Variants in FAAH2 observed in about 807,000 individuals in gnomAD.
The protein encoded by FAAH2 is fatty acid amide hydrolase 2, also known as fatty-acid amide hydrolase 2.
FAAH2 carries 60 observed loss-of-function variants against 36.9 expected under a neutral mutation model. The ratio of observed to expected loss-of-function variants is 1.63; its 90% CI spans 1.32 to 2.02. FAAH2 has a LOEUF of 2.02. Among genes scored for constraint, FAAH2 ranks in the 30% most tolerant of loss-of-function variants. FAAH2 has a pLI of 0.00. For missense variants in FAAH2, 689 were observed against 397.5 expected, an observed-to-expected ratio of 1.73 and a Z score of -6.23; for synonymous variants, 214 against 143.8, an observed-to-expected ratio of 1.49 and a Z score of -3.49.
chrX:57,369,574 C>T (rs1242893080), intron 5 of FAAH2, among the ~76,000 whole-genome samples: 4 of 111,536 alleles, frequency 3.6e-5, no homozygotes, highest in African/African-American at 6.5e-5. Flanking sequence ...TATCAAAGTG[C>T]TGGGGAATAA....
At chrX:57,403,120 T>TGCACTC (rs2055479668) in intron 7 of FAAH2, among the ~76,000 whole-genome samples, 1 of 112,054 alleles carries the variant, frequency 8.9e-6, no homozygotes, top group African/African-American at 3.2e-5. Flanking sequence ...AAAAGGCACA[T>TGCACTC]GCACTCTGAC....
rs767735654 is a variant in FAAH2 at position 57,341,283 on chromosome X, G to C, written c.635G>C (p.Cys212Ser). 8.3e-7 allele frequency: 1 copy of C among 1,206,018 alleles called. No individual in the cohort carries two copies. The highest frequency in any genetic ancestry group is 2.2e-5 in the Admixed American group (1 of 45,412). The change falls in exon 5 of 11, where the codon TGC becomes TCC. Residue 212 changes from cysteine (C) to serine (S), a missense_variant. By Grantham distance (112) the Cys-to-Ser change is moderately radical (BLOSUM62 -1). Coordinates refer to ENST00000374900, the MANE Select transcript of FAAH2 (RefSeq NM_174912.4). ...GTGTTTCTTGTAGGTGGTGAGGGCT[G>C]CACACTGGCAGCTGCCTGCTCAGTT... is the stretch of plus-strand genomic sequence containing the variant. ...IVGGSSGGEG[C>S]TLAAACSVIG...
intron 3 of FAAH2, among the ~76,000 whole-genome samples, chrX:57,319,940 G>T (rs777824222): frequency 3.6e-5 from 4 of 110,580 alleles, no homozygotes; most frequent in African/African-American, 9.8e-5. Context: ...CTATTTAATG[G>T]TGCTGGGAGA....
In FAAH2 at chrX:57,302,264, T is replaced by C. The variant is rs577607751; in HGVS notation, c.276-8329T>C. On this transcript the variant is annotated intron_variant, in intron 2 of 10. Coordinates refer to ENST00000374900, the MANE Select transcript of FAAH2 (RefSeq NM_174912.4). ...GAACTTAGGCATGTTTTTGAATCTCTGTGAATCTTTGTTTTATCCTTTCTA... is the reference window on the plus strand; with the variant it reads ...GAACTTAGGCATGTTTTTGAATCTCCGTGAATCTTTGTTTTATCCTTTCTA... Among the ~76,000 whole-genome samples, 8 of 112,067 alleles carry C rather than the reference T, an allele frequency of 7.1e-5. No individual in the cohort carries two copies. The East Asian group carries it at 1.7e-3, about 24-fold the overall frequency.
intron 10 of FAAH2, among the ~76,000 whole-genome samples, chrX:57,482,637 T>G (rs2057400416): frequency 3.7e-5 from 4 of 109,022 alleles, no homozygotes; most frequent in Admixed American, 2.9e-4. Flanking sequence ...ATCATCCACC[T>G]TCTGCGTTGG....
chrX:57,261,971 TTAAG>T, the FAAH2 span, among the ~76,000 whole-genome samples: 1 of 105,509 alleles, frequency 9.5e-6, no homozygotes, highest in East Asian at 2.9e-4. Flanking sequence ...AAGAGAAGAA[TTAAG>T]TATGACATCT....
the FAAH2 span, among the ~76,000 whole-genome samples, chrX:57,157,833 T>A: frequency 9.0e-6 from 1 of 111,226 alleles, no homozygotes; most frequent in Non-Finnish European, 1.9e-5. Flanking sequence ...TTTTATTTTT[T>A]CTCTTGAACT....
At chrX:57,283,396 G>C (rs1054332195), upstream of FAAH2, among the ~76,000 whole-genome samples, 1 of 111,313 alleles carries the variant, frequency 9.0e-6, no homozygotes, top group Non-Finnish European at 1.9e-5. Flanking sequence ...CGGGGTTCGA[G>C]GGATAACAGG....
rs1334968086 is a variant in FAAH2 at position 57,286,926 on chromosome X, C to T, written c.101C>T (p.Pro34Leu). 1 of 1,207,075 alleles carries T rather than the reference C, an allele frequency of 8.3e-7. No individual in the cohort carries two copies. Among genetic ancestry groups the T allele is most frequent in the Admixed American group, 2.2e-5 (1 of 45,761 alleles). Reference protein sequence around the residue: ...VGRAALVLGGPKFASKTPRPV... With the variant: ...VGRAALVLGGLKFASKTPRPV... Reference sequence around the variant, plus strand: ...CGAGCAGCTTTAGTCTTAGGGGGTCCAAAGTTTGCCTCAAAGACCCCTCGG... The same window carrying T: ...CGAGCAGCTTTAGTCTTAGGGGGTCTAAAGTTTGCCTCAAAGACCCCTCGG... The change falls in exon 1 of 11, where the codon CCA becomes CTA. Residue 34 changes from proline to leucine, a missense_variant. Transcript: ENST00000374900.
chrX:57,378,551 G>T (rs896804861), intron 5 of FAAH2, 100 bp from the exon 6 acceptor site: 22 of 1,061,648 alleles, frequency 2.1e-5, no homozygotes, highest in Non-Finnish European at 2.7e-5. Flanking sequence ...TTTTAACCAG[G>T]AGAAAAAGTA....
At chrX:57,152,733 C>T in the FAAH2 span, among the ~76,000 whole-genome samples, 1 of 111,869 alleles carries the variant, frequency 8.9e-6, no homozygotes, top group Non-Finnish European at 1.9e-5. Flanking sequence ...GAGGCAATGC[C>T]TCGCCCTGCT....
chrX:57,232,989 T>C, the FAAH2 span, among the ~76,000 whole-genome samples: 1 of 112,393 alleles, frequency 8.9e-6, no homozygotes, highest in Non-Finnish European at 1.9e-5. Flanking sequence ...TTAGTAATTT[T>C]GTGTGTTATA....
Position 57,380,902 on chromosome X carries a change from T to A in FAAH2, c.879-10T>A. 1 of 1,080,698 alleles carries A rather than the reference T, an allele frequency of 9.3e-7. No individual in the cohort carries two copies. Among genetic ancestry groups the A allele is most frequent in the South Asian group, 2.1e-5 (1 of 47,933 alleles). 89.1% of individuals were successfully genotyped at this position (1,080,698 alleles called of 1,213,427 possible). ...TTTGTTGATGTCAGTTTCTTTTTAA[T>A]CCTACACAGGTTAAAACTAGACACA... On this transcript the variant is annotated splice_polypyrimidine_tract_variant and intron_variant, in intron 6 of 10. Coordinates refer to ENST00000374900, the MANE Select transcript of FAAH2 (RefSeq NM_174912.4).
chrX:57,286,743 C>T lies in FAAH2; in HGVS notation c.-83C>T, dbSNP rs2051816299. 5 of 918,038 alleles carry T rather than the reference C, an allele frequency of 5.4e-6. No individual in the cohort carries two copies. The South Asian group carries it at 2.1e-4, about 39-fold the overall frequency. The allele number at this position is 918,038 out of a possible 1,213,427, so 75.7% of individuals were successfully genotyped here. On this transcript the variant is annotated 5_prime_UTR_variant, in exon 1 of 11. Coordinates refer to ENST00000374900, the MANE Select transcript of FAAH2 (RefSeq NM_174912.4). The stretch of plus-strand genomic sequence containing the variant: ...TGTAAACGAAAAGCTTCATAAGTCC[C>T]TCTTTGCTTAGTACTTTTCTCGTCC...
chrX:57,167,890 C>T, the FAAH2 span, among the ~76,000 whole-genome samples: 1 of 111,488 alleles, frequency 9.0e-6, no homozygotes, highest in African/African-American at 3.3e-5. Flanking sequence ...CAGAGTGGGC[C>T]TCCTGTCATT....
intron 5 of FAAH2, among the ~76,000 whole-genome samples, chrX:57,348,521 G>A (rs2053892931): frequency 9.0e-6 from 1 of 111,138 alleles, no homozygotes; most frequent in East Asian, 2.9e-4. Context: ...GTGGGTACCA[G>A]TGTACACCAC....
At chrX:57,462,539 G>C (rs961545244) in intron 10 of FAAH2, among the ~76,000 whole-genome samples, 1 of 111,868 alleles carries the variant, frequency 8.9e-6, no homozygotes, top group South Asian at 3.7e-4. Context: ...ATCACATAAA[G>C]AGAACCAGTG....
At chrX:57,183,733 TA>T in the FAAH2 span, among the ~76,000 whole-genome samples, 2 of 111,358 alleles carry the variant, frequency 1.8e-5, no homozygotes, top group Non-Finnish European at 3.8e-5. Flanking sequence ...GTTTGGACAA[TA>T]TGAAATCAGT....
intron 3 of FAAH2, among the ~76,000 whole-genome samples, chrX:57,328,026 G>A (rs1457581337): frequency 2.7e-5 from 3 of 111,808 alleles, no homozygotes; most frequent in Non-Finnish European, 5.6e-5. Context: ...TGGTGTGGAT[G>A]TCCTTTTTAT....
Sources: gnomAD v4.1 joint callset for allele counts (sites outside exome capture counted in the v4.1 genomes callset) on GRCh38, gnomAD v4.1.1 for gene constraint, MANE v1.5 for transcripts, NCBI Gene and HGNC (gene_info 2026-07-23, HGNC 2026-07-21) for gene names.